The following CSMD3 variants were observed in gnomAD, a reference collection of about 807,000 sequenced individuals.
CSMD3 encodes CUB and Sushi multiple domains 3, also known as CUB and sushi domain-containing protein 3.
A neutral mutation model predicts 435.2 loss-of-function variants in CSMD3; 177 were observed. That is an observed-to-expected ratio of 0.41 (90% confidence interval 0.36 to 0.46). The LOEUF (loss-of-function observed/expected upper bound fraction) is 0.46, where lower values mean the gene tolerates loss of function less well. Ranked by LOEUF, CSMD3 falls within the 20% of genes least tolerant of loss-of-function variation. The pLI, the probability that CSMD3 is intolerant of heterozygous loss-of-function variation, is 0.34. For missense variants in CSMD3, 4,265 were observed against 4,504.6 expected, an observed-to-expected ratio of 0.95 and a Z score of 1.52; for synonymous variants, 1,656 against 1,520.5, an observed-to-expected ratio of 1.09 and a Z score of -2.07.
At chr8:113,253,838 A>G (rs1380524265) in intron 3 of CSMD3, among the ~76,000 whole-genome samples, 8 of 142,472 alleles carry the variant, frequency 5.6e-5, no homozygotes, top group Non-Finnish European at 1.2e-4. Context: ...ACTCCGTCTG[A>G]AAAAAAAAAA....
chr8:113,023,676 A>T (rs2131196142), intron 5 of CSMD3, among the ~76,000 whole-genome samples: 1 of 152,246 alleles, frequency 6.6e-6, no homozygotes, highest in East Asian at 1.9e-4. Flanking sequence ...TTTACTCTAA[A>T]TCTTTCTCAG....
At chr8:112,382,716 G>A (rs1338018047) in intron 37 of CSMD3, among the ~76,000 whole-genome samples, 1 of 152,164 alleles carries the variant, frequency 6.6e-6, no homozygotes, top group African/African-American at 2.4e-5. Flanking sequence ...CTGGCTGGGT[G>A]TTGTGGTTCA....
chr8:112,326,964 G>A (rs1823573857), intron 45 of CSMD3, among the ~76,000 whole-genome samples: 1 of 152,170 alleles, frequency 6.6e-6, no homozygotes, highest in Non-Finnish European at 1.5e-5. Context: ...AGAGGTTGCA[G>A]TCAGCTGAGC....
intron 13 of CSMD3, among the ~76,000 whole-genome samples, chr8:112,772,068 G>A (rs1334454022): frequency 6.6e-6 from 1 of 151,912 alleles, no homozygotes; most frequent in East Asian, 1.9e-4. Context: ...ACTCAGGAAA[G>A]ATACAGAAAA....
At chr8:112,330,573 C>T (rs1823946884) in intron 45 of CSMD3, among the ~76,000 whole-genome samples, 1 of 151,994 alleles carries the variant, frequency 6.6e-6, no homozygotes, top group Admixed American at 6.6e-5. Flanking sequence ...GGCACAGTGC[C>T]CACAGGCACA....
intron 10 of CSMD3, among the ~76,000 whole-genome samples, chr8:112,881,325 A>G (rs1160143757): frequency 6.6e-6 from 1 of 152,026 alleles, no homozygotes; most frequent in Non-Finnish European, 1.5e-5. Context: ...AAACGAATTA[A>G]AGGCTCATTA....
chr8:113,267,386 T>C (rs2093480115), intron 3 of CSMD3, among the ~76,000 whole-genome samples: 1 of 151,444 alleles, frequency 6.6e-6, no homozygotes, highest in Admixed American at 6.6e-5. Flanking sequence ...ATAAAGAAAA[T>C]ACACACAATG....
intron 1 of CSMD3, among the ~76,000 whole-genome samples, chr8:113,315,696 TAAATATATATC>T (rs2093904412): frequency 6.7e-6 from 1 of 148,212 alleles, no homozygotes; most frequent in Admixed American, 6.8e-5. Flanking sequence ...AAATGTATAT[TAAATATATATC>T]AAATATATAT....
chr8:112,842,035 A>C (rs1346898941), intron 11 of CSMD3, among the ~76,000 whole-genome samples: 1 of 151,818 alleles, frequency 6.6e-6, no homozygotes, highest in Non-Finnish European at 1.5e-5. Context: ...CCAGGAGACC[A>C]AAAAGCTGTA....
At chr8:112,359,635 T>C (rs774555493) in intron 38 of CSMD3, among the ~76,000 whole-genome samples, 33 of 152,058 alleles carry the variant, frequency 2.2e-4, no homozygotes, top group Non-Finnish European at 4.0e-4. Flanking sequence ...CATTTAACAA[T>C]AGAAAATGCC....
chr8:112,962,072 T>C (rs1010611845), intron 7 of CSMD3, among the ~76,000 whole-genome samples: 3 of 151,884 alleles, frequency 2.0e-5, no homozygotes, highest in African/African-American at 7.2e-5. Context: ...AATCTTTATT[T>C]TCTGACAGCT....
intron 25 of CSMD3, among the ~76,000 whole-genome samples, chr8:112,554,480 AT>A (rs1172784885): frequency 1.3e-5 from 2 of 151,806 alleles, no homozygotes; most frequent in Admixed American, 1.3e-4. Flanking sequence ...ATTTTTCATC[AT>A]TTATTTATGA....
chr8:113,328,186 C>T (rs1049071999), intron 1 of CSMD3, among the ~76,000 whole-genome samples: 3 of 152,018 alleles, frequency 2.0e-5, no homozygotes, highest in Non-Finnish European at 4.4e-5. Context: ...CGCCTGTAAT[C>T]CCAGCACTTT....
intron 3 of CSMD3, among the ~76,000 whole-genome samples, chr8:113,190,590 T>C (rs1215138227): frequency 6.6e-6 from 1 of 151,790 alleles, no homozygotes; most frequent in East Asian, 1.9e-4. Context: ...CCCTTTTAAC[T>C]GATCTCTACC....
chr8:112,335,058 G>T (rs1404649278), intron 45 of CSMD3, among the ~76,000 whole-genome samples: 2 of 152,098 alleles, frequency 1.3e-5, no homozygotes, highest in Non-Finnish European at 2.9e-5. Flanking sequence ...CTCCTTTATT[G>T]GTTTTCATGC....
In CSMD3 at chr8:112,925,355, G is replaced by A. The variant is rs369306683; in HGVS notation, c.1509-3604C>T. ...GGGAGGATTACGAGGTCAGGAGATC[G>A]AGACCATCCTGGCTAACACGGTGAG... On this transcript the variant is annotated intron_variant, in intron 9 of 70. Transcript: ENST00000297405. Among the ~76,000 whole-genome samples the A allele has an allele frequency of 5.3e-5, 8 of 151,900 alleles. No homozygotes were observed. In the East Asian group the frequency reaches 5.8e-4, roughly 11 times the overall value.
intron 2 of CSMD3, among the ~76,000 whole-genome samples, chr8:113,295,570 T>A (rs932483145): frequency 6.6e-6 from 1 of 152,142 alleles, no homozygotes; most frequent in Non-Finnish European, 1.5e-5. Context: ...TTTAGTGGAT[T>A]GGAAAATATG....
intron 59 of CSMD3, among the ~76,000 whole-genome samples, chr8:112,267,541 A>T (rs1288871675): frequency 6.6e-6 from 1 of 152,066 alleles, no homozygotes; most frequent in East Asian, 1.9e-4. Context: ...ATTTTATTTT[A>T]TATTTATAAC....
chr8:112,700,058 T>G (rs2076355393), intron 13 of CSMD3, among the ~76,000 whole-genome samples: 1 of 152,180 alleles, frequency 6.6e-6, no homozygotes, highest in South Asian at 2.1e-4. Flanking sequence ...TTTGTATGGT[T>G]GTTTTGTGGT....
Sources: allele counts gnomAD v4.1 joint callset (sites outside exome capture counted in the v4.1 genomes callset), GRCh38; gene constraint gnomAD v4.1.1; transcripts MANE v1.5; gene names NCBI Gene and HGNC (gene_info 2026-07-23, HGNC 2026-07-21).